The following ANO4 variants were observed in gnomAD, a reference collection of about 807,000 sequenced individuals.
ANO4 encodes the protein anoctamin 4, also known as anoctamin-4.
In ANO4, 69 loss-of-function variants were observed where a neutral mutation model predicts 141.9. The observed-to-expected ratio is 0.49, with a 90% CI of 0.40 to 0.59. The LOEUF is 0.59. Among genes scored for constraint, ANO4 ranks in the 20% least tolerant of loss-of-function variants. The pLI is 0.00. For missense variants in ANO4, 894 were observed against 1,162.2 expected, an observed-to-expected ratio of 0.77 and a Z score of 3.36; for synonymous variants, 350 against 394.3, an observed-to-expected ratio of 0.89 and a Z score of 1.33.
intron 14 of ANO4, among the ~76,000 whole-genome samples, chr12:101,071,848 A>G (rs1332030538): frequency 6.6e-6 from 1 of 152,188 alleles, no homozygotes; most frequent in African/African-American, 2.4e-5. Flanking sequence ...AAAATTAAAA[A>G]TAAAAAAATT....
intron 17 of ANO4, among the ~76,000 whole-genome samples, chr12:101,093,547 GAT>G (rs772599481): frequency 2.0e-5 from 3 of 152,076 alleles, no homozygotes; most frequent in African/African-American, 4.8e-5. Flanking sequence ...AACAGCACTT[GAT>G]GTTTCAATTA....
intron 14 of ANO4, among the ~76,000 whole-genome samples, chr12:101,057,461 A>T (rs535765852): frequency 6.6e-6 from 1 of 152,094 alleles, no homozygotes; most frequent in Non-Finnish European, 1.5e-5. Flanking sequence ...ACTAATTTAC[A>T]CTCCCACCAA....
At chr12:100,886,898 A>G (rs888742796) in intron 1 of ANO4, among the ~76,000 whole-genome samples, 1 of 152,196 alleles carries the variant, frequency 6.6e-6, no homozygotes, top group Admixed American at 6.5e-5. Context: ...TCCTTCTGTT[A>G]GAGTCACTTC....
intron 1 of ANO4, among the ~76,000 whole-genome samples, chr12:100,842,551 A>G (rs10778080): frequency 0.54 from 81,862 of 151,804 alleles, 22,500 homozygotes; most frequent in Admixed American, 0.61. Context: ...TTTTATTAAG[A>G]TCCTGTCTTA....
At chr12:101,087,563 T>C (rs190800111) in intron 17 of ANO4, among the ~76,000 whole-genome samples, 2 of 152,200 alleles carry the variant, frequency 1.3e-5, no homozygotes, top group Admixed American at 6.5e-5. Context: ...CATTCCTTGA[T>C]ATAACCCTGC....
chr12:100,756,160 A>G (rs2032602557), intron 3 of ANO4, among the ~76,000 whole-genome samples: 1 of 152,160 alleles, frequency 6.6e-6, no homozygotes, highest in African/African-American at 2.4e-5. Flanking sequence ...TTATCCATCT[A>G]TACTGCTGGT....
intron 5 of ANO4, among the ~76,000 whole-genome samples, chr12:100,952,683 G>T (rs2043018737): frequency 6.6e-6 from 1 of 152,086 alleles, no homozygotes; most frequent in African/African-American, 2.4e-5. Context: ...TCTTGTTAGG[G>T]CAGTTTTATC....
At chr12:100,913,386 A>G (rs1001096405) in intron 2 of ANO4, among the ~76,000 whole-genome samples, 1 of 152,192 alleles carries the variant, frequency 6.6e-6, no homozygotes, top group Non-Finnish European at 1.5e-5. Flanking sequence ...GCTTGAAGAG[A>G]TTTAAGTACA....
intron 3 of ANO4, among the ~76,000 whole-genome samples, chr12:100,928,962 CT>C (rs570738178): frequency 6.4e-4 from 98 of 152,066 alleles, no homozygotes; most frequent in African/African-American, 2.2e-3. Context: ...ACAATGACAT[CT>C]TTTTTTATTT....
intron 14 of ANO4, among the ~76,000 whole-genome samples, chr12:101,054,278 A>C (rs188298253): frequency 2.3e-4 from 35 of 152,328 alleles, no homozygotes; most frequent in African/African-American, 7.5e-4. Context: ...TACAAGTAAA[A>C]CACGATTTTG....
At chr12:100,725,301 C>G (rs2031058269) in intron 1 of ANO4, among the ~76,000 whole-genome samples, 1 of 151,016 alleles carries the variant, frequency 6.6e-6, no homozygotes, top group African/African-American at 2.4e-5. Flanking sequence ...AAGGCTTTAC[C>G]TCAGCTTCTA....
intron 22 of ANO4, among the ~76,000 whole-genome samples, chr12:101,104,609 GTGTGTGTATGTATGTGTGTATATATA>G (rs1265291274): frequency 7.2e-5 from 5 of 69,918 alleles, no homozygotes; most frequent in Admixed American, 1.6e-4. Flanking sequence ...GTGTGTGTGT[GTGTGTGTATGTATGTGTGTATATATA>G]TATATATATA....
chr12:100,930,242 A>G (rs1193256130), intron 3 of ANO4, among the ~76,000 whole-genome samples: 1 of 152,130 alleles, frequency 6.6e-6, no homozygotes, highest in East Asian at 1.9e-4. Context: ...GGTATTACTC[A>G]AGAAATCTTT....
intron 3 of ANO4, among the ~76,000 whole-genome samples, chr12:100,932,683 T>C (rs2042128673): frequency 6.6e-6 from 1 of 152,280 alleles, no homozygotes; most frequent in African/African-American, 2.4e-5. Context: ...CTTTTCATCA[T>C]GTAAAGATCA....
At chr12:100,989,434 C>G (rs1431874643) in intron 8 of ANO4, among the ~76,000 whole-genome samples, 1 of 152,188 alleles carries the variant, frequency 6.6e-6, no homozygotes, top group African/African-American at 2.4e-5. Context: ...GGTTTACAGG[C>G]AGGTTTTCCC....
intron 3 of ANO4, among the ~76,000 whole-genome samples, chr12:100,760,190 G>A (rs1375781556): frequency 6.6e-6 from 1 of 152,184 alleles, no homozygotes; most frequent in Non-Finnish European, 1.5e-5. Context: ...CTTTAAAGAA[G>A]GTCATTTGGA....
Position 101,096,642 on chromosome 12 carries a change from C to G in ANO4, c.1845C>G (p.Leu615=), listed in dbSNP as rs572173243. 1 of 1,612,164 alleles carries G rather than the reference C, an allele frequency of 6.2e-7. No individual in the cohort carries two copies. The highest frequency in any genetic ancestry group is 1.3e-5 in the African/African-American group (1 of 74,798). ...CCACATTTTACATCGCATTCTTCCT[C>G]GGAAGGTAAGAACCTGACCCCTGCA... ...NSSTFYIAFF[L]GRFTGHPGAY... The change falls in exon 19 of 28, where the codon CTC becomes CTG. Residue 615 remains leucine, a synonymous_variant. Coordinates refer to ENST00000392977, the MANE Select transcript of ANO4 (RefSeq NM_001286615.2).
In ANO4 at chr12:101,104,647, A is replaced by G. The variant is rs1439908875; in HGVS notation, c.2149+4927A>G. ...TGTGTGTATATATATATATATATAT[A>G]TATATATATATATATATATATATAA... On this transcript the variant is annotated intron_variant, in intron 22 of 27. Coordinates refer to ENST00000392977, the MANE Select transcript of ANO4 (RefSeq NM_001286615.2). Among the ~76,000 whole-genome samples, 14 of 67,120 alleles carry G rather than the reference A, an allele frequency of 2.1e-4. 1 individual carries two copies. In the East Asian group the frequency reaches 3.9e-3, roughly 19 times the overall value. The allele number at this position is 67,120 out of a possible 152,430, so 44.0% of individuals were successfully genotyped here. A position where few individuals can be genotyped will look rare whatever the true frequency, so the allele number is the denominator to read the frequency against.
At position 100,926,602 on chromosome 12, in the gene ANO4, TTGTG is replaced by T. The variant is rs3059281; in HGVS notation, c.160+4296_160+4299del. Among the ~76,000 whole-genome samples, 209 of 147,498 alleles carry T rather than the reference TTGTG, an allele frequency of 1.4e-3. 1 individual carries two copies. The highest frequency in any genetic ancestry group is 6.2e-3 in the East Asian group (31 of 5,030). ...ATGTGAAAGTATAACAAGGGTGTGT[TTGTG>T]TGTGTGTGTGTGTGTGTGTGTGTTT... On this transcript the variant is annotated intron_variant, in intron 3 of 27. Coordinates refer to ENST00000392977, the MANE Select transcript of ANO4 (RefSeq NM_001286615.2).
Sources: gnomAD v4.1 joint callset for allele counts (sites outside exome capture counted in the v4.1 genomes callset) on GRCh38, gnomAD v4.1.1 for gene constraint, MANE v1.5 for transcripts, NCBI Gene and HGNC (gene_info 2026-07-23, HGNC 2026-07-21) for gene names.